Variants in UBE2E2 observed in about 807,000 individuals in gnomAD.
UBE2E2 encodes the protein ubiquitin conjugating enzyme E2 E2.
UBE2E2 carries 6 observed loss-of-function variants against 24.7 expected under a neutral mutation model. That is an observed-to-expected ratio of 0.24 (90% CI 0.13 to 0.48). The LOEUF is 0.48. UBE2E2 is among the 20% of genes least tolerant of loss of function. UBE2E2 has a pLI of 0.99. For synonymous variants in UBE2E2, 104 were observed against 83.6 expected (o/e 1.24, Z -1.33); for missense variants, 169 against 245.0 (o/e 0.69, Z 2.07).
intron 3 of UBE2E2, among the ~76,000 whole-genome samples, chr3:23,467,939 C>A (rs574632412): frequency 6.6e-6 from 1 of 152,192 alleles, no homozygotes; most frequent in African/African-American, 2.4e-5. Context: ...ACAACCATAT[C>A]TTATTAGAAC....
intron 3 of UBE2E2, among the ~76,000 whole-genome samples, chr3:23,399,619 G>A (rs1012114386): frequency 6.6e-6 from 1 of 151,952 alleles, no homozygotes; most frequent in South Asian, 2.1e-4. Context: ...AATATTTTTG[G>A]GCTACAGTTG....
intron 3 of UBE2E2, among the ~76,000 whole-genome samples, chr3:23,465,577 G>A (rs1229783264): frequency 6.6e-6 from 1 of 152,134 alleles, no homozygotes; most frequent in East Asian, 1.9e-4. Context: ...TGGCCAAATT[G>A]GAAATTCATT....
chr3:23,420,051 A>C (rs1181656514), intron 3 of UBE2E2, among the ~76,000 whole-genome samples: 2 of 152,252 alleles, frequency 1.3e-5, no homozygotes, highest in Non-Finnish European at 2.9e-5. Context: ...GTTTGAATGG[A>C]TACAGATGCC....
At position 23,208,029 on chromosome 3, in the gene UBE2E2, A is replaced by AT. The variant is rs1696198439; in HGVS notation, c.-8-656dup. Among the ~76,000 whole-genome samples, 4 of 151,650 alleles carry AT rather than the reference A, an allele frequency of 2.6e-5. No homozygotes were observed. In the South Asian group the frequency reaches 8.4e-4, roughly 32 times the overall value. ...TCCCTGGCAACCACTTACCCATTTT[A>AT]TTTTTTTATTAATTTTTTTTTTGAG... On this transcript the variant is annotated intron_variant, in intron 1 of 5. Transcript: ENST00000396703.
intron 3 of UBE2E2, among the ~76,000 whole-genome samples, chr3:23,479,535 G>A (rs755047418): frequency 6.6e-6 from 1 of 152,062 alleles, no homozygotes; most frequent in Non-Finnish European, 1.5e-5. Context: ...ATGGTGAGTT[G>A]GGGGGTAGGG....
intron 3 of UBE2E2, among the ~76,000 whole-genome samples, chr3:23,254,452 T>C (rs186363614): frequency 2.0e-5 from 3 of 152,298 alleles, no homozygotes; most frequent in Admixed American, 1.3e-4. Flanking sequence ...TTTAAGAAGC[T>C]GGTCCAGGCT....
At chr3:23,219,183 A>G (rs1400098706) in intron 3 of UBE2E2, among the ~76,000 whole-genome samples, 1 of 152,158 alleles carries the variant, frequency 6.6e-6, no homozygotes, top group Admixed American at 6.5e-5. Flanking sequence ...TATTGATTCT[A>G]AAACAGTTGC....
At chr3:23,435,367 ATAAAAGT>A (rs2125403893) in intron 3 of UBE2E2, among the ~76,000 whole-genome samples, 1 of 152,344 alleles carries the variant, frequency 6.6e-6, no homozygotes, top group Non-Finnish European at 1.5e-5. Context: ...AAGCTTGGAG[ATAAAAGT>A]TAAGTTACTT....
chr3:23,256,682 ATT>A (rs1697731398), intron 3 of UBE2E2, among the ~76,000 whole-genome samples: 1 of 146,054 alleles, frequency 6.8e-6, no homozygotes, highest in Admixed American at 7.0e-5. Flanking sequence ...AGCATGCTGT[ATT>A]TTCTCTTCTG....
chr3:23,493,852 G>C (rs1699549844), intron 3 of UBE2E2, among the ~76,000 whole-genome samples: 1 of 152,044 alleles, frequency 6.6e-6, no homozygotes, highest in East Asian at 1.9e-4. Flanking sequence ...CAACCTCTTT[G>C]AGTGTATTTT....
At chr3:23,424,551 A>G (rs147997584) in intron 3 of UBE2E2, among the ~76,000 whole-genome samples, 91 of 151,984 alleles carry the variant, frequency 6.0e-4, no homozygotes, top group Non-Finnish European at 7.4e-5. Context: ...TAATGAACAT[A>G]TTTTTAGAAT....
intron 3 of UBE2E2, among the ~76,000 whole-genome samples, chr3:23,270,509 C>CT (rs1369656417): frequency 6.6e-6 from 1 of 152,134 alleles, no homozygotes; most frequent in African/African-American, 2.4e-5. Flanking sequence ...CCCTGGGGCC[C>CT]TGCAGGGCTC....
intron 3 of UBE2E2, among the ~76,000 whole-genome samples, chr3:23,452,273 C>A (rs1698577329): frequency 6.6e-6 from 1 of 152,120 alleles, no homozygotes; most frequent in African/African-American, 2.4e-5. Flanking sequence ...ATTTACTTGT[C>A]AGCAAGAGAC....
At chr3:23,543,436 ATCATGAAC>A (rs796826433) in intron 5 of UBE2E2, among the ~76,000 whole-genome samples, 346 of 152,284 alleles carry the variant, frequency 2.3e-3, no homozygotes, top group African/African-American at 7.8e-3. Context: ...TGAGAATCAA[ATCATGAAC>A]TCATTTCCTC....
At chr3:23,481,511 CT>C (rs1424888329) in intron 3 of UBE2E2, among the ~76,000 whole-genome samples, 2 of 152,154 alleles carry the variant, frequency 1.3e-5, no homozygotes, top group Non-Finnish European at 2.9e-5. Flanking sequence ...TACAATTAGC[CT>C]TTTTAATGCT....
chr3:23,418,089 A>G (rs1697687776), intron 3 of UBE2E2, among the ~76,000 whole-genome samples: 1 of 152,012 alleles, frequency 6.6e-6, no homozygotes, highest in Non-Finnish European at 1.5e-5. Context: ...CTGGCGTTGC[A>G]GGCACCACTG....
At chr3:23,535,318 G>A (rs558799999) in intron 5 of UBE2E2, among the ~76,000 whole-genome samples, 1 of 152,258 alleles carries the variant, frequency 6.6e-6, no homozygotes, top group East Asian at 1.9e-4. Flanking sequence ...ACACCAAATG[G>A]GCCCACAATA....
At chr3:23,347,592 T>C (rs1471994897) in intron 3 of UBE2E2, among the ~76,000 whole-genome samples, 1 of 152,068 alleles carries the variant, frequency 6.6e-6, no homozygotes, top group Non-Finnish European at 1.5e-5. Context: ...TTAGGAGAAA[T>C]ACCTCATGTA....
At chr3:23,247,975 A>C (rs557863749) in intron 3 of UBE2E2, among the ~76,000 whole-genome samples, 74 of 152,358 alleles carry the variant, frequency 4.9e-4, no homozygotes, top group Non-Finnish European at 9.6e-4. Context: ...TACCATGTAA[A>C]AATTCTGATT....
Sources: allele counts gnomAD v4.1 joint callset (sites outside exome capture counted in the v4.1 genomes callset), GRCh38; gene constraint gnomAD v4.1.1; transcripts MANE v1.5; gene names NCBI Gene and HGNC (gene_info 2026-07-23, HGNC 2026-07-21).